Variants in WIPF1 observed in about 807,000 individuals in gnomAD.
The protein encoded by WIPF1 is WAS/WASL interacting protein family member 1, also known as WAS/WASL-interacting protein family member 1.
A neutral mutation model predicts 35.4 loss-of-function variants in WIPF1; 13 were observed. That is an observed-to-expected ratio of 0.37 (90% CI 0.24 to 0.58). The LOEUF (loss-of-function observed/expected upper bound fraction) is 0.58. Ranked by LOEUF, WIPF1 falls within the 20% of genes least tolerant of loss-of-function variation. The pLI, the probability that WIPF1 is intolerant of heterozygous loss-of-function variation, is 0.74. For missense variants in WIPF1, 591 were observed against 667.0 expected (o/e 0.89, Z 1.25); for synonymous variants, 267 against 266.3 (o/e 1.00, Z -0.02).
chr2:174,566,749 T>C (rs535768465), intron 7 of WIPF1: 61 of 236,538 alleles, frequency 2.6e-4, no homozygotes, highest in African/African-American at 1.3e-3. Flanking sequence ...CTAGAAGGAA[T>C]AGAAGATGGC....
intron 1 of WIPF1, among the ~76,000 whole-genome samples, chr2:174,670,346 C>T (rs1687986927): frequency 6.6e-6 from 1 of 152,176 alleles, no homozygotes. Context: ...TGACAGGGAG[C>T]ACAGGGAAAG....
At chr2:174,669,160 G>T (rs1390847048) in intron 1 of WIPF1, among the ~76,000 whole-genome samples, 1 of 152,106 alleles carries the variant, frequency 6.6e-6, no homozygotes, top group Non-Finnish European at 1.5e-5. Context: ...GACTTCTGTG[G>T]CCATGGCAAA....
intron 1 of WIPF1, among the ~76,000 whole-genome samples, chr2:174,658,911 T>C (rs1400471988): frequency 6.6e-6 from 1 of 151,978 alleles, no homozygotes; most frequent in Non-Finnish European, 1.5e-5. Context: ...GAATGTGAAT[T>C]GCAGTCCCAC....
At chr2:174,565,431 T>A (rs1390310232) in intron 7 of WIPF1, among the ~76,000 whole-genome samples, 1 of 152,208 alleles carries the variant, frequency 6.6e-6, no homozygotes, top group Non-Finnish European at 1.5e-5. Flanking sequence ...TTTGACTCAA[T>A]TAATTTAATT....
rs1420007477 is a variant in WIPF1, at chr2:174,567,202, A to G, written c.1343-19T>C. The G allele has an allele frequency of 1.2e-6, 2 of 1,603,006 alleles. No homozygotes were observed. The highest frequency in any genetic ancestry group is 1.7e-6 in the Non-Finnish European group (2 of 1,169,892). On this transcript the variant is annotated intron_variant, in intron 6 of 7. Coordinates refer to ENST00000679041, the MANE Select transcript of WIPF1 (RefSeq NM_001375834.1). ...CACTCATCTGGGAAGAGAAACAAGC[A>G]GTATCTTCAGTGACAGACAATGTGC...
intron 1 of WIPF1, among the ~76,000 whole-genome samples, chr2:174,605,231 G>A (rs371634686): frequency 5.3e-5 from 8 of 152,200 alleles, no homozygotes; most frequent in Admixed American, 2.0e-4. Flanking sequence ...TCAGGAGTTC[G>A]AGACCAATCT....
At chr2:174,620,719 GTGAGCAA>G (rs1686647786) in intron 1 of WIPF1, among the ~76,000 whole-genome samples, 1 of 152,228 alleles carries the variant, frequency 6.6e-6, no homozygotes, top group Non-Finnish European at 1.5e-5. Flanking sequence ...TTAGGGACAT[GTGAGCAA>G]ATCATCACAG....
intron 1 of WIPF1, among the ~76,000 whole-genome samples, chr2:174,667,563 AG>A (rs985366581): frequency 5.9e-5 from 9 of 152,186 alleles, no homozygotes; most frequent in African/African-American, 1.9e-4. Flanking sequence ...ATTGTTTTGC[AG>A]GTACAAAGGT....
rs1010671105 is a variant in WIPF1, at chr2:174,585,928, A to T, written c.-38-317T>A. Among the ~76,000 whole-genome samples the T allele has an allele frequency of 1.3e-5, 2 of 152,280 alleles. 1 individual carries two copies. The highest frequency in any genetic ancestry group is 6.8e-3 in the Middle Eastern group (2 of 294). On this transcript the variant is annotated intron_variant, in intron 1 of 7. Coordinates refer to ENST00000679041, the MANE Select transcript of WIPF1 (RefSeq NM_001375834.1). ...AGGAAGGTCTCACACAACTGCTAGG[A>T]TGTATCCTGGCCAAGTTTCACTGAA...
At chr2:174,639,655 C>T (rs1024865327) in intron 1 of WIPF1, among the ~76,000 whole-genome samples, 13 of 152,110 alleles carry the variant, frequency 8.5e-5, no homozygotes, top group Non-Finnish European at 1.9e-4. Flanking sequence ...TTCTCCCATT[C>T]GGTAGGTGAT....
intron 1 of WIPF1, among the ~76,000 whole-genome samples, chr2:174,596,132 G>C (rs1685816436): frequency 6.6e-6 from 1 of 152,116 alleles, no homozygotes; most frequent in Admixed American, 6.6e-5. Context: ...TCACCACAGG[G>C]AGTTCTCTGA....
intron 3 of WIPF1, among the ~76,000 whole-genome samples, chr2:174,577,378 G>A (rs1685092864): frequency 6.6e-6 from 1 of 152,094 alleles, no homozygotes; most frequent in African/African-American, 2.4e-5. Context: ...CCATAACAAT[G>A]TAAATTATTA....
upstream of WIPF1, among the ~76,000 whole-genome samples, chr2:174,601,522 G>C (rs999147143): frequency 2.0e-5 from 3 of 152,208 alleles, no homozygotes; most frequent in Non-Finnish European, 2.9e-5. Flanking sequence ...AGAAAATAAG[G>C]CAAGAAAAGC....
At chr2:174,581,498 C>T (rs1251852948) in intron 2 of WIPF1, 59 bp from the exon 3 acceptor site, 2 of 1,586,466 alleles carry the variant, frequency 1.3e-6, no homozygotes, top group Admixed American at 3.5e-5. Context: ...TGCATTGTAA[C>T]ACTCGGCTGG....
chr2:174,579,847 G>A lies in WIPF1; in HGVS notation c.181+1463C>T, dbSNP rs56363829. ...GGGACCATGATTCAGATGGCTATTG[G>A]AGGGCTTGGAGGGCTGAGGGATTAG... On this transcript the variant is annotated intron_variant, in intron 3 of 7. Transcript: ENST00000679041. Among the ~76,000 whole-genome samples, 652 of 152,326 alleles carry A rather than the reference G, an allele frequency of 4.3e-3. 7 individuals carry two copies. Among genetic ancestry groups the A allele is most frequent in the Admixed American group, 7.1e-3 (109 of 15,306 alleles).
At chr2:174,631,869 C>T (rs1389200016) in intron 1 of WIPF1, among the ~76,000 whole-genome samples, 2 of 152,152 alleles carry the variant, frequency 1.3e-5, no homozygotes, top group African/African-American at 2.4e-5. Context: ...CCCTCTGAAA[C>T]CAGGGTCACT....
At chr2:174,609,326 C>A (rs1486565978) in intron 1 of WIPF1, among the ~76,000 whole-genome samples, 1 of 152,108 alleles carries the variant, frequency 6.6e-6, no homozygotes, top group Admixed American at 6.5e-5. Flanking sequence ...GTATTCATTC[C>A]CTGTATTTTC....
intron 1 of WIPF1, among the ~76,000 whole-genome samples, chr2:174,603,755 T>G (rs1245609639): frequency 6.6e-6 from 1 of 152,152 alleles, no homozygotes; most frequent in Non-Finnish European, 1.5e-5. Flanking sequence ...ATTTGGAGAC[T>G]TGCAGGTTGG....
rs1178130228 is a variant in WIPF1 at position 174,567,956 on chromosome 2, G to C, written c.1247C>G (p.Pro416Arg). ...GVDSPRSGPR[P>R]PLPPDRPSAG... ...ACTGGGCCTATCAGGAGGAAGGGGAGGCCTGGGTCCACTCCTGGGACTGTC... is the reference window on the plus strand; with the variant it reads ...ACTGGGCCTATCAGGAGGAAGGGGACGCCTGGGTCCACTCCTGGGACTGTC... The change falls in exon 6 of 8, where the codon CCT becomes CGT. Residue 416 changes from proline to arginine, a missense_variant. Pro to Arg is a moderately radical substitution (Grantham distance 103). This residue lies in a region of WIPF1 where 117 missense variants were observed against 149.6 expected (regional missense o/e 0.78). Transcript: ENST00000679041. 6.2e-7 allele frequency: 1 copy of C among 1,614,146 alleles called. No homozygotes were observed. The highest frequency in any genetic ancestry group is 8.5e-7 in the Non-Finnish European group (1 of 1,180,032).
Sources: gnomAD v4.1 joint callset for allele counts (sites outside exome capture counted in the v4.1 genomes callset) on GRCh38, gnomAD v4.1.1 for gene constraint, gnomAD v4.1.1 regional missense constraint, MANE v1.5 for transcripts, NCBI Gene and HGNC (gene_info 2026-07-23, HGNC 2026-07-21) for gene names.